Variants in SLC12A5 observed in about 807,000 individuals in gnomAD.
SLC12A5 encodes the protein solute carrier family 12 member 5, also known as K-Cl cotransporter 2.
Under a neutral mutation model 124.0 loss-of-function variants are expected in SLC12A5, and 18 were observed. The observed-to-expected ratio is 0.15, with a 90% CI of 0.10 to 0.22. SLC12A5 has a LOEUF of 0.22. SLC12A5 is among the 10% of genes least tolerant of loss of function. The pLI, the probability that SLC12A5 is intolerant of heterozygous loss-of-function variation, is 1.00. For synonymous variants in SLC12A5, 589 were observed against 568.0 expected (o/e 1.04, Z -0.53); for missense variants, 867 against 1,478.7 (o/e 0.59, Z 6.78).
chr20:46,040,597 C>T lies in SLC12A5; in HGVS notation c.837C>T (p.Phe279=), dbSNP rs771523031. The change falls in exon 7 of 26, where the codon TTC becomes TTT. Residue 279 remains phenylalanine (F), a synonymous_variant. Transcript: ENST00000243964. ...ATGCTGGGGTCATCAAGTCTGCCTTCGACCCACCCAACTTCCCGTGAGTGC... is the reference window on the plus strand; with the variant it reads ...ATGCTGGGGTCATCAAGTCTGCCTTTGACCCACCCAACTTCCCGTGAGTGC... ...AIYAGVIKSA[F]DPPNFPICLL... is the part of the protein sequence containing the mutation. The T allele has an allele frequency of 8.7e-6, 14 of 1,614,128 alleles. No homozygotes were observed. Among genetic ancestry groups the T allele is most frequent in the South Asian group, 6.6e-5 (6 of 91,078 alleles).
Position 46,056,646 on chromosome 20 carries a change from G to A in SLC12A5, c.3110+82G>A, listed in dbSNP as rs929452829. On this transcript the variant is annotated intron_variant, in intron 23 of 25. Transcript: ENST00000243964. This position sits in a 1 kb window ranked among gnomAD's most constrained non-coding sequence, Gnocchi z 4.3. Reference sequence around the variant, plus strand: ...CCATGGCAGAGCAAGAGAGCAGAAGGCATCCTGGTCTGTCAGCCTGCAGAC... The same window carrying A: ...CCATGGCAGAGCAAGAGAGCAGAAGACATCCTGGTCTGTCAGCCTGCAGAC... The A allele has an allele frequency of 6.9e-7, 1 of 1,445,412 alleles. No individual in the cohort carries two copies. The highest frequency in any genetic ancestry group is 1.4e-5 in the African/African-American group (1 of 70,488). The allele number at this position is 1,445,412 out of a possible 1,614,324, so 89.5% of individuals were successfully genotyped here.
chr20:46,053,534 C>A lies in SLC12A5; in HGVS notation c.2548-44C>A. On this transcript the variant is annotated intron_variant, in intron 19 of 25. Transcript: ENST00000243964. The surrounding 1 kb of genome is among the most constrained non-coding windows in gnomAD (Gnocchi z 4.7). ...AGGGCCTGGCCCTGGATCTCCTCAT[C>A]ACATCTGGGCTGGACCTTTCTGAAT... 1.9e-6 allele frequency: 3 copies of A among 1,609,496 alleles called. No homozygotes were observed. The highest frequency in any genetic ancestry group is 1.1e-5 in the South Asian group (1 of 90,956).
At chr20:46,055,833 A>T (rs2084685210) in intron 21 of SLC12A5, 2 of 321,632 alleles carry the variant, frequency 6.2e-6, no homozygotes, top group Non-Finnish European at 1.2e-5. Flanking sequence ...CAAGGGAGGT[A>T]GTAAAAATGG....
At chr20:46,036,602 T>TGGAACAGGTCCAGGGAGCA (rs1255825710) in intron 4 of SLC12A5, 139 bp from the exon 5 acceptor site, 2 of 791,050 alleles carry the variant, frequency 2.5e-6, no homozygotes, top group Non-Finnish European at 4.1e-6. Context: ...GAGTAGAAGT[T>TGGAACAGGTCCAGGGAGCA]GGAACAGGTC....
chr20:46,041,392 T>A lies in SLC12A5; in HGVS notation c.918T>A (p.Ala306=). ...RHGFDVCAKL[A]WEGNETVTTR... is the part of the protein sequence containing the mutation. ...GCTTTGATGTCTGTGCCAAGCTGGC[T>A]TGGGAAGGAAATGAGACGGTGACCA... The change falls in exon 8 of 26, where the codon GCT becomes GCA. Residue 306 remains alanine, a synonymous_variant. Transcript: ENST00000243964. The A allele has an allele frequency of 6.2e-7, 1 of 1,614,122 alleles. No homozygotes were observed.
intron 17 of SLC12A5, among the ~76,000 whole-genome samples, chr20:46,051,327 C>T (rs745966138): frequency 2.6e-5 from 4 of 152,012 alleles, no homozygotes; most frequent in African/African-American, 4.8e-5. Flanking sequence ...TATCTGAAGA[C>T]GGCGACATTT....
At chr20:46,036,696 C>A in intron 4 of SLC12A5, 45 bp from the exon 5 acceptor site, 1 of 1,610,154 alleles carries the variant, frequency 6.2e-7, no homozygotes, top group Non-Finnish European at 8.5e-7. Flanking sequence ...CAGGCCACTG[C>A]GGCCCCTACC....
At chr20:46,029,889 T>TGTGC (rs1353696590) in intron 1 of SLC12A5, among the ~76,000 whole-genome samples, 38 of 75,344 alleles carry the variant, frequency 5.0e-4, no homozygotes, top group African/African-American at 2.0e-3. Context: ...TGTGTGTGTG[T>TGTGC]GCGCGCGCGT....
chr20:46,043,001 G>A (rs1405050270), intron 8 of SLC12A5, 152 bp from the exon 9 acceptor site: 2 of 786,046 alleles, frequency 2.5e-6, no homozygotes, highest in Non-Finnish European at 4.2e-6. Context: ...AGGAGCTTAG[G>A]AAATGTCAGT....
intron 1 of SLC12A5, among the ~76,000 whole-genome samples, chr20:46,034,195 G>A (rs2084477173): frequency 6.6e-6 from 1 of 152,044 alleles, no homozygotes; most frequent in South Asian, 2.1e-4. Context: ...TGTCTGCCTG[G>A]AACACCCTCC....
intron 2 of SLC12A5, 84 bp downstream of exon 2, chr20:46,035,126 C>G: frequency 7.5e-7 from 1 of 1,338,376 alleles, no homozygotes; most frequent in Non-Finnish European, 1.1e-6. Flanking sequence ...CCCTAGGGAG[C>G]AATACCCTCG....
At position 46,059,045 on chromosome 20, in the gene SLC12A5, C is replaced by A; in HGVS notation, c.*1440C>A. 6.9e-6 allele frequency: 2 copies of A among 288,878 alleles called. No homozygotes were observed. Among genetic ancestry groups the A allele is most frequent in the Non-Finnish European group, 1.3e-5 (2 of 157,480 alleles). The allele number at this position is 288,878 out of a possible 1,614,324, so 17.9% of individuals were successfully genotyped here. Reference sequence around the variant, plus strand: ...CTCATCCTTGGCCCTTCCGCTCCACCAGCCTGGTCTGAGGCGTGCTCTGTC... The same window carrying A: ...CTCATCCTTGGCCCTTCCGCTCCACAAGCCTGGTCTGAGGCGTGCTCTGTC... On this transcript the variant is annotated 3_prime_UTR_variant, in exon 26 of 26. Transcript: ENST00000243964.
chr20:46,025,364 GC>G (rs1184704700), upstream of SLC12A5, among the ~76,000 whole-genome samples: 1 of 152,156 alleles, frequency 6.6e-6, no homozygotes, highest in African/African-American at 2.4e-5. Flanking sequence ...GAACCTCACT[GC>G]CCGGTACCTC....
chr20:46,046,630 A>G (rs1320354418), intron 14 of SLC12A5, among the ~76,000 whole-genome samples, 194 bp downstream of exon 14: 3 of 152,206 alleles, frequency 2.0e-5, no homozygotes, highest in Non-Finnish European at 2.9e-5. Flanking sequence ...ATAAATAATA[A>G]CATAGCAGCA....
rs747155296 is a variant in SLC12A5, at chr20:46,046,388, C to T, written c.1739C>T (p.Thr580Met). 5.0e-6 allele frequency: 8 copies of T among 1,614,042 alleles called. No individual in the cohort carries two copies. The highest frequency in any genetic ancestry group is 2.2e-5 in the East Asian group (1 of 44,892). ...GTGAATCTGGCCTGTGCAGTGCAGA[C>T]GCTGCTGAGGACACCCAACTGGAGG... ...MFVNLACAVQ[T>M]LLRTPNWRPR... Residue 580 changes from threonine to methionine, a missense_variant, in exon 14 of 26, where the codon ACG becomes ATG. Coordinates refer to ENST00000243964, the MANE Select transcript of SLC12A5 (RefSeq NM_020708.5).
upstream of SLC12A5, among the ~76,000 whole-genome samples, chr20:46,026,148 G>A (rs905832634): frequency 1.3e-5 from 2 of 152,184 alleles, no homozygotes. Context: ...AGTGGAGAGT[G>A]GAAAATAATT....
At chr20:46,040,895 G>A in intron 7 of SLC12A5, 1 of 493,474 alleles carries the variant, frequency 2.0e-6, no homozygotes, top group South Asian at 2.4e-5. Flanking sequence ...CCAAAGCAAT[G>A]AATGCTGTCT....
chr20:46,057,877 C>CG lies in SLC12A5; in HGVS notation c.*273dup. ...CCCGGCCTCGTCTCGCCGGAGGAGA[C>CG]GCTGCAATAAAGGTTGGGAGAAGGC... On this transcript the variant is annotated 3_prime_UTR_variant, in exon 26 of 26. Transcript: ENST00000243964. The surrounding 1 kb of genome is among the most constrained non-coding windows in gnomAD (Gnocchi z 7.1). 2.4e-6 allele frequency: 1 copy of CG among 409,466 alleles called. No homozygotes were observed. The highest frequency in any genetic ancestry group is 4.3e-6 in the Non-Finnish European group (1 of 230,836). 25.4% of individuals were successfully genotyped at this position (409,466 alleles called of 1,614,324 possible). A position where few individuals can be genotyped will look rare whatever the true frequency, so the allele number is the denominator to read the frequency against.
chr20:46,032,430 G>A (rs1434024808), intron 1 of SLC12A5, among the ~76,000 whole-genome samples: 1 of 152,222 alleles, frequency 6.6e-6, no homozygotes, highest in Non-Finnish European at 1.5e-5. Context: ...CCAAAATCTT[G>A]CGGCTGGATA....
Sources: gnomAD v4.1 joint callset for allele counts (sites outside exome capture counted in the v4.1 genomes callset) on GRCh38, gnomAD v4.1.1 for gene constraint, Gnocchi (gnomAD v3.1) non-coding constraint, MANE v1.5 for transcripts, NCBI Gene and HGNC (gene_info 2026-07-23, HGNC 2026-07-21) for gene names.